Variants in ANO2 observed in about 807,000 individuals in gnomAD.
ANO2 encodes anoctamin-2.
A neutral mutation model predicts 124.2 loss-of-function variants in ANO2; 101 were observed. The observed-to-expected ratio is 0.81, with a 90% confidence interval of 0.69 to 0.96. The LOEUF (loss-of-function observed/expected upper bound fraction) is 0.96. ANO2 is among the 40% of genes least tolerant of loss of function. ANO2 has a pLI of 0.00. For synonymous variants in ANO2, 486 were observed against 482.5 expected (o/e 1.01, Z -0.09); for missense variants, 1,293 against 1,274.5 (o/e 1.01, Z -0.22).
rs748485486 is a variant in ANO2, at chr12:5,827,858, T to TC, written c.841-39dup. 1.1e-4 allele frequency: 169 copies of TC among 1,588,378 alleles called. 1 individual carries two copies. The highest frequency in any genetic ancestry group is 3.5e-4 in the Admixed American group (20 of 56,728). On this transcript the variant is annotated intron_variant, in intron 6 of 24. Coordinates refer to ENST00000682330, the MANE Select transcript of ANO2 (RefSeq NM_001364791.2). ...GACAGCAGAGCTGTGAGCTCCTAGT[T>TC]CCCCCCCGCCCTCCACCGTGTGTCA...
intron 20 of ANO2, 59 bp from the exon 21 acceptor site, chr12:5,578,577 T>C (rs563284332): frequency 6.5e-7 from 1 of 1,548,552 alleles, no homozygotes; most frequent in South Asian, 1.2e-5. Context: ...AGGTCCCTTC[T>C]GGCTTGCAGC....
chr12:5,740,192 A>G (rs1239482090), intron 12 of ANO2: 3 of 329,366 alleles, frequency 9.1e-6, no homozygotes, highest in East Asian at 8.1e-5. Context: ...CTGCTGATAG[A>G]GCACTCAGAT....
chr12:5,623,458 T>C (rs1945228558), intron 16 of ANO2, among the ~76,000 whole-genome samples: 1 of 152,162 alleles, frequency 6.6e-6, no homozygotes, highest in South Asian at 2.1e-4. Flanking sequence ...ATTCCCACCA[T>C]CAGCCCTTTT....
intron 23 of ANO2, among the ~76,000 whole-genome samples, chr12:5,568,400 C>A (rs1941907951): frequency 6.6e-6 from 1 of 152,022 alleles, no homozygotes; most frequent in Admixed American, 6.5e-5. Context: ...GCTGGCCAAC[C>A]CACCCTATTC....
At chr12:5,818,720 A>C (rs1953692709) in intron 7 of ANO2, among the ~76,000 whole-genome samples, 2 of 151,914 alleles carry the variant, frequency 1.3e-5, no homozygotes, top group South Asian at 4.2e-4. Context: ...CCTTGGCATG[A>C]ACTGTTTAGA....
intron 7 of ANO2, among the ~76,000 whole-genome samples, chr12:5,824,775 G>C (rs1223703492): frequency 6.6e-6 from 1 of 152,124 alleles, no homozygotes; most frequent in Non-Finnish European, 1.5e-5. Flanking sequence ...ACATACCCGA[G>C]ACTGGGAAGA....
intron 7 of ANO2, among the ~76,000 whole-genome samples, chr12:5,826,544 C>T (rs966174758): frequency 4.6e-5 from 7 of 151,774 alleles, no homozygotes; most frequent in Admixed American, 1.3e-4. Flanking sequence ...TACTCAGCCT[C>T]GCCTCATCAG....
At chr12:5,728,891 C>G (rs1950536977) in intron 14 of ANO2, among the ~76,000 whole-genome samples, 1 of 152,190 alleles carries the variant, frequency 6.6e-6, no homozygotes, top group African/African-American at 2.4e-5. Context: ...AGTGAGGAAA[C>G]AGTCTGTTCA....
chr12:5,586,156 T>C (rs891943664), intron 20 of ANO2, among the ~76,000 whole-genome samples: 3 of 152,204 alleles, frequency 2.0e-5, no homozygotes, highest in African/African-American at 7.2e-5. Context: ...AAGCCTTTTG[T>C]GGTACGCTGA....
intron 23 of ANO2, among the ~76,000 whole-genome samples, chr12:5,572,883 C>G (rs1032077593): frequency 1.3e-5 from 2 of 152,106 alleles, no homozygotes; most frequent in Non-Finnish European, 2.9e-5. Context: ...CACAAACAAG[C>G]CATGATCTTA....
At chr12:5,722,642 T>A (rs752970122) in intron 14 of ANO2, among the ~76,000 whole-genome samples, 17 of 152,240 alleles carry the variant, frequency 1.1e-4, no homozygotes, top group Non-Finnish European at 2.1e-4. Context: ...GTCACTTCTG[T>A]GAGTTTCCTA....
At chr12:5,906,033 G>C (rs975888961) in intron 3 of ANO2, among the ~76,000 whole-genome samples, 5 of 152,292 alleles carry the variant, frequency 3.3e-5, no homozygotes, top group Admixed American at 6.5e-5. Context: ...TTTCTTCCCA[G>C]ACTGAGGAAG....
At chr12:5,820,503 C>A (rs1425281555) in intron 7 of ANO2, among the ~76,000 whole-genome samples, 1 of 152,184 alleles carries the variant, frequency 6.6e-6, no homozygotes, top group Non-Finnish European at 1.5e-5. Context: ...TGCCAGAATG[C>A]ATAATTAGCA....
At chr12:5,619,755 A>G (rs1170220392) in intron 16 of ANO2, among the ~76,000 whole-genome samples, 4 of 152,232 alleles carry the variant, frequency 2.6e-5, no homozygotes, top group Admixed American at 2.6e-4. Flanking sequence ...TGGCTTAACT[A>G]CAATAGAAGC....
chr12:5,583,207 T>C (rs1942852529), intron 20 of ANO2, among the ~76,000 whole-genome samples: 1 of 152,216 alleles, frequency 6.6e-6, no homozygotes. Flanking sequence ...CTGCACTTGC[T>C]GATGGTGAAA....
chr12:5,909,825 C>G (rs1459778183), intron 3 of ANO2, among the ~76,000 whole-genome samples: 3 of 152,178 alleles, frequency 2.0e-5, no homozygotes, highest in East Asian at 3.9e-4. Flanking sequence ...CATGCTCTAC[C>G]TAAGGCTTCT....
At chr12:5,868,096 T>A (rs1955478310) in intron 3 of ANO2, among the ~76,000 whole-genome samples, 1 of 152,136 alleles carries the variant, frequency 6.6e-6, no homozygotes, top group Non-Finnish European at 1.5e-5. Context: ...GGATAAATGT[T>A]TGAAGGGACA....
chr12:5,691,410 G>A (rs12580433), intron 14 of ANO2, among the ~76,000 whole-genome samples: 38,555 of 150,986 alleles, frequency 0.26, 5,095 homozygotes, highest in Middle Eastern at 0.33. Flanking sequence ...GCAGGTCCTG[G>A]TAGGTGGAAT....
At chr12:5,808,117 T>C (rs138004497) in intron 7 of ANO2, among the ~76,000 whole-genome samples, 1 of 152,330 alleles carries the variant, frequency 6.6e-6, no homozygotes, top group Non-Finnish European at 1.5e-5. Context: ...TTGGTCGACA[T>C]AGTCATGCAA....
Sources: allele counts gnomAD v4.1 joint callset (sites outside exome capture counted in the v4.1 genomes callset), GRCh38; gene constraint gnomAD v4.1.1; transcripts MANE v1.5; gene names NCBI Gene and HGNC (gene_info 2026-07-23, HGNC 2026-07-21).